The following CEP72 variants were observed in gnomAD, a reference collection of about 807,000 sequenced individuals.
CEP72 encodes the protein centrosomal protein of 72 kDa.
A neutral mutation model predicts 65.7 loss-of-function variants in CEP72; 78 were observed. The ratio of observed to expected loss-of-function variants is 1.19; its 90% CI spans 0.99 to 1.43. The LOEUF (loss-of-function observed/expected upper bound fraction) is 1.43. Ranked by LOEUF, CEP72 falls within the 40% of genes most tolerant of loss-of-function variation. CEP72 has a pLI of 0.00. For missense variants in CEP72, 914 were observed against 832.9 expected, an observed-to-expected ratio of 1.10 and a Z score of -1.20; for synonymous variants, 358 against 351.7, an observed-to-expected ratio of 1.02 and a Z score of -0.20.
chr5:637,833 G>A lies in CEP72; in HGVS notation c.1206+15G>A, dbSNP rs1262896177. 6.6e-7 allele frequency: 1 copy of A among 1,519,648 alleles called. No individual in the cohort carries two copies. Among genetic ancestry groups the A allele is most frequent in the South Asian group, 1.2e-5 (1 of 80,184 alleles). 94.1% of individuals were successfully genotyped at this position (1,519,648 alleles called of 1,614,324 possible). ...ACACCAGAGAGGTGAGAGAAGGGCT[G>A]GGGAGCAGCAGGCCCACGGCACTGC... On this transcript the variant is annotated intron_variant, in intron 7 of 11. Transcript: ENST00000264935.
At position 633,847 on chromosome 5, in the gene CEP72, C is replaced by T; in HGVS notation, c.591C>T (p.Val197=). The T allele has an allele frequency of 1.2e-6, 2 of 1,614,020 alleles. No homozygotes were observed. Among genetic ancestry groups the T allele is most frequent in the East Asian group, 2.2e-5 (1 of 44,884 alleles). Residue 197 remains valine (V), a synonymous_variant, in exon 5 of 12, where the codon GTC becomes GTT. Transcript: ENST00000264935. The part of the protein sequence containing the change: ...SLVMDADDEA[V]LNLIAECEWD... ...TCATGGATGCGGATGACGAGGCAGT[C>T]CTGAACCTCATTGCAGAGTGCGAGT...
Position 647,842 on chromosome 5 carries a change from T to C in CEP72, c.1704T>C (p.Ile568=). 6.2e-7 allele frequency: 1 copy of C among 1,612,828 alleles called. No homozygotes were observed. The highest frequency in any genetic ancestry group is 8.5e-7 in the Non-Finnish European group (1 of 1,179,948). ...GTGTGAAGAGGCTGTGTGGCGAGAT[T>C]GTGGAACTGAAGCAGCACCTGGAGC... ...QTSVKRLCGE[I]VELKQHLEHY... The change falls in exon 11 of 12, where the codon ATT becomes ATC. Residue 568 remains isoleucine (I), a synonymous_variant. Coordinates refer to ENST00000264935, the MANE Select transcript of CEP72 (RefSeq NM_018140.4).
rs991022717 is a variant in CEP72 at position 644,385 on chromosome 5, G to A, written c.1626G>A (p.Lys542=). 5 of 1,613,856 alleles carry A rather than the reference G, an allele frequency of 3.1e-6. No individual in the cohort carries two copies. The African/African-American group carries it at 5.3e-5, about 17-fold the overall frequency. ...TGTTGAGTATGAAAAAGGAAGTGAA[G>A]AGTGCAGACACTGCAGCCACGTTAA... ...SLLLSMKKEV[K]SADTAATLNL... The change falls in exon 10 of 12, where the codon AAG becomes AAA. Residue 542 remains lysine, a synonymous_variant. Transcript: ENST00000264935.
the CEP72 span, among the ~76,000 whole-genome samples, chr5:675,237 GCAGTGCAGGGGGTA>G: frequency 1.9e-5 from 2 of 105,568 alleles, no homozygotes; most frequent in Non-Finnish European, 4.1e-5. Flanking sequence ...GGCTGGGGGT[GCAGTGCAGGGGGTA>G]CAGTGTGGCC....
chr5:660,473 T>C (rs1739542616), downstream of CEP72: 1 of 152,356 alleles, frequency 6.6e-6, no homozygotes, highest in Non-Finnish European at 1.5e-5. Context: ...GGAGGAAAGA[T>C]GCAGGTTCAG....
At chr5:649,598 CTG>C (rs1437336706) in intron 11 of CEP72, among the ~76,000 whole-genome samples, 4 of 86,900 alleles carry the variant, frequency 4.6e-5, no homozygotes, top group East Asian at 3.3e-4. Context: ...TGAGGCGTGA[CTG>C]TGAGGCGTGG....
At chr5:632,720 C>T (rs1164294222) in intron 4 of CEP72, among the ~76,000 whole-genome samples, 1 of 29,906 alleles carries the variant, frequency 3.3e-5, no homozygotes, top group Non-Finnish European at 6.5e-5. Context: ...GGGTTCTATC[C>T]AGTGCCGGGA....
At chr5:654,470 T>TGC (rs1186405017), downstream of CEP72, among the ~76,000 whole-genome samples, 2 of 152,094 alleles carry the variant, frequency 1.3e-5, no homozygotes, top group African/African-American at 4.8e-5. Context: ...TGTGTGTGTG[T>TGC]GTGCGTGTGG....
At position 626,053 on chromosome 5, in the gene CEP72, G is replaced by A. The variant is rs534959792; in HGVS notation, c.512+1474G>A. Among the ~76,000 whole-genome samples the A allele has an allele frequency of 8.5e-5, 13 of 152,222 alleles. No homozygotes were observed. In the East Asian group the frequency reaches 1.5e-3, roughly 18 times the overall value. ...CATGTCTTTTGGGTGGGGGGCAGGGGGGGGCGGCACAGTGCGCCACTCCTG... is the reference window on the plus strand; with the variant it reads ...CATGTCTTTTGGGTGGGGGGCAGGGAGGGGCGGCACAGTGCGCCACTCCTG... On this transcript the variant is annotated intron_variant, in intron 4 of 11. Coordinates refer to ENST00000264935, the MANE Select transcript of CEP72 (RefSeq NM_018140.4).
At chr5:650,249 T>A (rs1738905759) in intron 11 of CEP72, among the ~76,000 whole-genome samples, 1 of 47,740 alleles carries the variant, frequency 2.1e-5, no homozygotes, top group Non-Finnish European at 3.5e-5. Context: ...GCGTGGACTG[T>A]GAGGTGTGAC....
At chr5:672,417 C>T in the CEP72 span, among the ~76,000 whole-genome samples, 9 of 152,268 alleles carry the variant, frequency 5.9e-5, no homozygotes, top group Admixed American at 2.0e-4. Context: ...TGGGAAAATA[C>T]ACCACACCCA....
chr5:666,364 G>A (rs1234973381), intron 4 of CEP72, among the ~76,000 whole-genome samples: 1 of 152,252 alleles, frequency 6.6e-6, no homozygotes, highest in Non-Finnish European at 1.5e-5. Flanking sequence ...CAGGGTGTGT[G>A]CGGGTCTGCA....
In CEP72 at chr5:633,862, A is replaced by G; in HGVS notation, c.606A>G (p.Ala202=). Residue 202 remains alanine (A), a synonymous_variant, in exon 5 of 12, where the codon GCA becomes GCG. Transcript: ENST00000264935. ...ADDEAVLNLI[A]ECEWDLGRPP... Reference sequence around the variant, plus strand: ...ACGAGGCAGTCCTGAACCTCATTGCAGAGTGCGAGTGGGACCTCGGCAGGC... The same window carrying G: ...ACGAGGCAGTCCTGAACCTCATTGCGGAGTGCGAGTGGGACCTCGGCAGGC... 1 of 1,613,898 alleles carries G rather than the reference A, an allele frequency of 6.2e-7. No individual in the cohort carries two copies. Among genetic ancestry groups the G allele is most frequent in the Non-Finnish European group, 8.5e-7 (1 of 1,180,036 alleles).
downstream of CEP72, among the ~76,000 whole-genome samples, chr5:659,705 G>A (rs1378799461): frequency 6.6e-6 from 1 of 152,240 alleles, no homozygotes; most frequent in Non-Finnish European, 1.5e-5. Context: ...AGATGAGGAA[G>A]CGAGAGACTC....
At chr5:669,359 C>T (rs778243603), downstream of CEP72, among the ~76,000 whole-genome samples, 98 of 152,278 alleles carry the variant, frequency 6.4e-4, no homozygotes, top group Non-Finnish European at 9.1e-4. Flanking sequence ...CCCCTTGACG[C>T]GCTCGGCGTG....
intron 11 of CEP72, among the ~76,000 whole-genome samples, chr5:651,294 G>A (rs1437957063): frequency 7.2e-6 from 1 of 138,038 alleles, no homozygotes; most frequent in Non-Finnish European, 1.6e-5. Flanking sequence ...GTGACTGTGA[G>A]GTGTGACTGT....
intron 3 of CEP72, chr5:665,464 C>T (rs1739857545): frequency 4.4e-6 from 3 of 678,848 alleles, no homozygotes; most frequent in Admixed American, 3.0e-5. Flanking sequence ...TCTCCTGACC[C>T]TGGGGCAGCC....
chr5:664,898 C>G, intron 2 of CEP72: 1 of 605,256 alleles, frequency 1.7e-6, no homozygotes, highest in Non-Finnish European at 2.9e-6. Context: ...CGAACTGGGG[C>G]CCAAACCTGG....
In CEP72 at chr5:653,030, C is replaced by G. The variant is rs62000998; in HGVS notation, c.1821C>G (p.Ser607Arg). ...STNEHLLQEL[S>R]QVRAQHRAEV... ...ATGAACACCTGCTGCAGGAGCTGAG[C>G]CAGGTGCGGGCGCAGCACAGAGCCG... The change falls in exon 12 of 12, where the codon AGC becomes AGG. Residue 607 changes from serine to arginine, a missense_variant. Ser to Arg is a moderately radical substitution (Grantham distance 110). Transcript: ENST00000264935. 38,895 of 1,613,360 alleles carry G rather than the reference C, an allele frequency of 0.024. 542 individuals carry two copies. The highest frequency in any genetic ancestry group is 0.04 in the African/African-American group (3,036 of 75,040).
Sources: gnomAD v4.1 joint callset for allele counts (sites outside exome capture counted in the v4.1 genomes callset) on GRCh38, gnomAD v4.1.1 for gene constraint, MANE v1.5 for transcripts, NCBI Gene and HGNC (gene_info 2026-07-23, HGNC 2026-07-21) for gene names.